Variants in BICC1 observed in about 807,000 individuals in gnomAD.
The protein encoded by BICC1 is BicC family RNA binding protein 1.
A neutral mutation model predicts 111.0 loss-of-function variants in BICC1; 43 were observed. That is an observed-to-expected ratio of 0.39 (90% CI 0.30 to 0.50). The LOEUF (loss-of-function observed/expected upper bound fraction) is 0.50. BICC1 is among the 20% of genes least tolerant of loss of function. The pLI, the probability that BICC1 is intolerant of heterozygous loss-of-function variation, is 0.88. For synonymous variants in BICC1, 467 were observed against 434.4 expected, an observed-to-expected ratio of 1.07 and a Z score of -0.93; for missense variants, 1,091 against 1,203.2, an observed-to-expected ratio of 0.91 and a Z score of 1.38.
chr10:58,545,557 C>G (rs1843115006), intron 1 of BICC1, among the ~76,000 whole-genome samples: 1 of 152,082 alleles, frequency 6.6e-6, no homozygotes, highest in African/African-American at 2.4e-5. Flanking sequence ...GCAAATCTAC[C>G]CTCATCCAGC....
At position 58,828,745 on chromosome 10, in the gene BICC1, C is replaced by T. The variant is rs369268315; in HGVS notation, c.2795-16C>T. 1.1e-5 allele frequency: 17 copies of T among 1,611,858 alleles called. No homozygotes were observed. Among genetic ancestry groups the T allele is most frequent in the African/African-American group, 6.7e-5 (5 of 74,890 alleles). On this transcript the variant is annotated splice_polypyrimidine_tract_variant and intron_variant, in intron 20 of 20. Transcript: ENST00000373886. ...CTTCTCTTGAGCTCCTAACAATTCT[C>T]TCTTTCTCTCTCTAGAACTAAATAA...
Position 58,803,041 on chromosome 10 carries a change from T to C in BICC1, c.2016-36T>C, listed in dbSNP as rs574745802. ...GAAACATTCAGTACATTTGTATATA[T>C]AGTGGAGTGTTAAATTCCACACTCT... On this transcript the variant is annotated intron_variant, in intron 14 of 20. Transcript: ENST00000373886. 1.3e-5 allele frequency: 20 copies of C among 1,541,138 alleles called. No homozygotes were observed. In the South Asian group the frequency reaches 1.9e-4, roughly 15 times the overall value.
At chr10:58,701,652 G>A (rs1407675207) in intron 2 of BICC1, among the ~76,000 whole-genome samples, 1 of 152,126 alleles carries the variant, frequency 6.6e-6, no homozygotes, top group African/African-American at 2.4e-5. Flanking sequence ...TCTTCATTTA[G>A]TATGGTCTAA....
chr10:58,570,027 A>G (rs188316059), intron 1 of BICC1, among the ~76,000 whole-genome samples: 9 of 152,198 alleles, frequency 5.9e-5, no homozygotes, highest in African/African-American at 2.2e-4. Context: ...AAACATTTCT[A>G]TTTTTCCACA....
chr10:58,603,442 A>T (rs1442926820), intron 1 of BICC1, among the ~76,000 whole-genome samples: 1 of 152,142 alleles, frequency 6.6e-6, no homozygotes, highest in Non-Finnish European at 1.5e-5. Flanking sequence ...AAAGATTAAA[A>T]TTCAGTGGGA....
chr10:58,727,551 T>C (rs1176506911), intron 3 of BICC1, among the ~76,000 whole-genome samples: 1 of 152,092 alleles, frequency 6.6e-6, no homozygotes, highest in Non-Finnish European at 1.5e-5. Flanking sequence ...CATGCCACTG[T>C]TCTCCAGCCT....
intron 4 of BICC1, among the ~76,000 whole-genome samples, chr10:58,786,328 A>G (rs1355687394): frequency 6.6e-6 from 1 of 152,126 alleles, no homozygotes; most frequent in Non-Finnish European, 1.5e-5. Flanking sequence ...TTCTTTATTT[A>G]AGCCATTTTG....
intron 1 of BICC1, 123 bp from the exon 2 acceptor site, chr10:58,620,732 C>T: frequency 1.2e-6 from 1 of 816,844 alleles, no homozygotes; most frequent in Non-Finnish European, 2.0e-6. Flanking sequence ...TTAGCAGGCA[C>T]TGAGCTGTGG....
intron 2 of BICC1, among the ~76,000 whole-genome samples, chr10:58,689,810 C>G (rs1279413079): frequency 6.6e-6 from 1 of 152,166 alleles, no homozygotes. Context: ...AGCTAATTCT[C>G]CCTTTTACCA....
chr10:58,532,125 A>G (rs1320209416), intron 1 of BICC1, among the ~76,000 whole-genome samples: 3 of 151,788 alleles, frequency 2.0e-5, no homozygotes, highest in South Asian at 4.2e-4. Context: ...ACTAAGACAC[A>G]TTCTAGTCAA....
intron 2 of BICC1, among the ~76,000 whole-genome samples, chr10:58,629,670 G>C (rs1837735142): frequency 6.6e-6 from 1 of 152,006 alleles, no homozygotes; most frequent in Admixed American, 6.6e-5. Flanking sequence ...TTGTACCTTT[G>C]GTACCTTACT....
At chr10:58,607,624 C>T (rs1052519011) in intron 1 of BICC1, among the ~76,000 whole-genome samples, 2 of 152,120 alleles carry the variant, frequency 1.3e-5, no homozygotes, top group Admixed American at 6.6e-5. Flanking sequence ...CCCTCACTTT[C>T]TTCTCTTTGT....
chr10:58,746,655 G>A (rs917844199), intron 3 of BICC1, among the ~76,000 whole-genome samples: 2 of 152,102 alleles, frequency 1.3e-5, no homozygotes, highest in African/African-American at 2.4e-5. Context: ...TCAGTTTGCA[G>A]GAGTAGGCTA....
chr10:58,671,764 G>GT (rs1380104059), intron 2 of BICC1, among the ~76,000 whole-genome samples: 3 of 152,018 alleles, frequency 2.0e-5, no homozygotes, highest in East Asian at 3.9e-4. Flanking sequence ...AAATTGCCTT[G>GT]TTTTTTCAAC....
chr10:58,521,041 A>G (rs1003929987), intron 1 of BICC1, among the ~76,000 whole-genome samples: 6 of 152,124 alleles, frequency 3.9e-5, no homozygotes, highest in African/African-American at 9.7e-5. Context: ...GCGTTGAATC[A>G]TAAGTATTTT....
At chr10:58,618,651 C>T (rs375666152) in intron 1 of BICC1, among the ~76,000 whole-genome samples, 60 of 152,254 alleles carry the variant, frequency 3.9e-4, no homozygotes, top group African/African-American at 1.3e-3. Context: ...TGACACTTGG[C>T]GTGACACAGT....
intron 2 of BICC1, among the ~76,000 whole-genome samples, chr10:58,637,369 T>C (rs528201203): frequency 1.3e-5 from 2 of 152,326 alleles, no homozygotes; most frequent in East Asian, 3.9e-4. Flanking sequence ...ATTATCAGGG[T>C]AAACTGAACT....
intron 2 of BICC1, among the ~76,000 whole-genome samples, chr10:58,673,392 T>C (rs933824711): frequency 6.6e-6 from 1 of 152,208 alleles, no homozygotes; most frequent in South Asian, 2.1e-4. Context: ...GATTTACATA[T>C]AACCCTTGCC....
At position 58,829,022 on chromosome 10, in the gene BICC1, C is replaced by A; in HGVS notation, c.*131C>A. On this transcript the variant is annotated 3_prime_UTR_variant, in exon 21 of 21. Coordinates refer to ENST00000373886, the MANE Select transcript of BICC1 (RefSeq NM_001080512.3). ...TCAGGACCAAAGCATTTTATTCGCA[C>A]CTGTACTTTATGGCAAAAAGGAAGA... 1 of 1,063,494 alleles carries A rather than the reference C, an allele frequency of 9.4e-7. No individual in the cohort carries two copies. Among genetic ancestry groups the A allele is most frequent in the Non-Finnish European group, 1.3e-6 (1 of 751,546 alleles). 65.9% of individuals were successfully genotyped at this position (1,063,494 alleles called of 1,614,324 possible). A position where few individuals can be genotyped will look rare whatever the true frequency, so the allele number is the denominator to read the frequency against.
Sources: gnomAD v4.1 joint callset for allele counts (sites outside exome capture counted in the v4.1 genomes callset) on GRCh38, gnomAD v4.1.1 for gene constraint, MANE v1.5 for transcripts, NCBI Gene and HGNC (gene_info 2026-07-23, HGNC 2026-07-21) for gene names.